SEC24A: variants seen among roughly 807,000 people sequenced by gnomAD.
The protein encoded by SEC24A is SEC24 homolog A, COPII component, also known as protein transport protein Sec24A.
Under a neutral mutation model 129.4 loss-of-function variants are expected in SEC24A, and 93 were observed. The ratio of observed to expected loss-of-function variants is 0.72; its 90% CI spans 0.61 to 0.85. SEC24A has a LOEUF of 0.85. Among genes scored for constraint, SEC24A ranks in the 40% least tolerant of loss-of-function variants. The probability of loss-of-function intolerance (pLI) is 0.00; values close to 1 mark genes in which losing one functional copy is unlikely to be tolerated. For synonymous variants in SEC24A, 460 were observed against 467.3 expected (o/e 0.98, Z 0.20); for missense variants, 1,264 against 1,307.4 (o/e 0.97, Z 0.51).
intron 15 of SEC24A, among the ~76,000 whole-genome samples, chr5:134,700,962 TC>T (rs1324293227): frequency 6.6e-6 from 1 of 151,866 alleles, no homozygotes; most frequent in Non-Finnish European, 1.5e-5. Flanking sequence ...TCGTGATCCA[TC>T]CGCCTCGGCC....
At chr5:134,664,878 A>C (rs1750603083) in intron 2 of SEC24A, among the ~76,000 whole-genome samples, 1 of 135,184 alleles carries the variant, frequency 7.4e-6, no homozygotes, top group Admixed American at 9.0e-5. Flanking sequence ...GGCTCACTGC[A>C]ACCTCCGCCT....
At chr5:134,660,433 T>C (rs1750412167) in intron 1 of SEC24A, among the ~76,000 whole-genome samples, 1 of 152,066 alleles carries the variant, frequency 6.6e-6, no homozygotes, top group Admixed American at 6.6e-5. Context: ...GGCCAGGACA[T>C]CTTGTGGCAA....
intron 15 of SEC24A, among the ~76,000 whole-genome samples, chr5:134,699,573 A>T (rs1275419990): frequency 1.3e-5 from 2 of 152,092 alleles, no homozygotes; most frequent in African/African-American, 4.8e-5. Context: ...TGCTGGGATT[A>T]CAGGCATGAG....
chr5:134,715,001 G>A (rs1248667157), intron 18 of SEC24A, 23 bp from the exon 19 acceptor site: 2 of 1,602,532 alleles, frequency 1.2e-6, no homozygotes, highest in East Asian at 2.3e-5. Flanking sequence ...TCTTTTGTGG[G>A]GAATGGGGGT....
Position 134,649,051 on chromosome 5 carries a change from G to C in SEC24A, c.-26G>C, listed in dbSNP as rs745936449. ...CTTCTTGTGCGCTGTTGTCGACCCC[G>C]ACCAGCCCCTTCCAACCCAGTCATC... On this transcript the variant is annotated 5_prime_UTR_variant, in exon 1 of 23. Transcript: ENST00000398844. 4.4e-6 allele frequency: 7 copies of C among 1,576,452 alleles called. No homozygotes were observed. In the East Asian group the frequency reaches 1.6e-4, roughly 36 times the overall value.
At chr5:134,651,614 A>C (rs1457463754) in intron 1 of SEC24A, among the ~76,000 whole-genome samples, 2 of 151,390 alleles carry the variant, frequency 1.3e-5, no homozygotes, top group East Asian at 3.9e-4. Context: ...AGATATATGT[A>C]TATTATATAT....
rs375070944 is a variant in SEC24A, at chr5:134,709,595, G to T, written c.2727+707G>T. Among the ~76,000 whole-genome samples, 95 of 152,276 alleles carry T rather than the reference G, an allele frequency of 6.2e-4. 1 individual carries two copies. The Middle Eastern group carries it at 0.02, about 33-fold the overall frequency. ...ACACGGAAGCAGAAAGCAGAATGGT[G>T]GTTACTAGAGGCTGGGTGGTGGGGC... On this transcript the variant is annotated intron_variant, in intron 18 of 22. Coordinates refer to ENST00000398844, the MANE Select transcript of SEC24A (RefSeq NM_021982.3).
chr5:134,679,586 GT>G lies in SEC24A; in HGVS notation c.1255-5del, dbSNP rs752585763. 0.024 allele frequency: 28,564 copies of G among 1,176,456 alleles called. 306 individuals carry two copies. The highest frequency in any genetic ancestry group is 0.11 in the Admixed American group (5,106 of 44,406). 72.9% of individuals were successfully genotyped at this position (1,176,456 alleles called of 1,614,324 possible). On this transcript the variant is annotated splice_polypyrimidine_tract_variant and intron_variant, in intron 7 of 22. Transcript: ENST00000398844. ...TTTTTGCCTTTAAAAATTTAATTCT[GT>G]TTTTTTTTTTCCAGCAATTGCCTGT...
chr5:134,656,488 C>T (rs1054534657), intron 1 of SEC24A, among the ~76,000 whole-genome samples: 1 of 150,162 alleles, frequency 6.7e-6, no homozygotes, highest in African/African-American at 2.5e-5. Context: ...CATTCCCCAC[C>T]TTTGTTTTTT....
At chr5:134,650,192 A>C (rs961246460) in intron 1 of SEC24A, among the ~76,000 whole-genome samples, 4 of 152,230 alleles carry the variant, frequency 2.6e-5, no homozygotes. Context: ...GGCAGAAGAA[A>C]GAATAAGTGG....
At position 134,727,029 on chromosome 5, in the gene SEC24A, C is replaced by T. The variant is rs1752770622; in HGVS notation, c.*1935C>T. 6.6e-6 allele frequency: 1 copy of T among 152,480 alleles called. No homozygotes were observed. Among genetic ancestry groups the T allele is most frequent in the Non-Finnish European group, 1.5e-5 (1 of 67,992 alleles). 9.4% of individuals were successfully genotyped at this position (152,480 alleles called of 1,614,324 possible). On this transcript the variant is annotated 3_prime_UTR_variant, in exon 23 of 23. Coordinates refer to ENST00000398844, the MANE Select transcript of SEC24A (RefSeq NM_021982.3). ...TAATTTTATAACAGGTCATGAAAAACATAACTTTAGTTAGGATTCACAATA... is the reference window on the plus strand; with the variant it reads ...TAATTTTATAACAGGTCATGAAAAATATAACTTTAGTTAGGATTCACAATA...
chr5:134,707,390 C>T (rs1580732355), intron 17 of SEC24A, among the ~76,000 whole-genome samples: 1 of 151,180 alleles, frequency 6.6e-6, no homozygotes, highest in Non-Finnish European at 1.5e-5. Context: ...AGTGCAGTGG[C>T]GTGATCTCGG....
chr5:134,719,018 T>C (rs1189205546), intron 20 of SEC24A, among the ~76,000 whole-genome samples: 2 of 150,878 alleles, frequency 1.3e-5, no homozygotes, highest in South Asian at 2.1e-4. Context: ...AATAATGATA[T>C]AAAGAATATT....
At chr5:134,724,316 C>T (rs1752705606) in intron 22 of SEC24A, among the ~76,000 whole-genome samples, 3 of 152,136 alleles carry the variant, frequency 2.0e-5, no homozygotes, top group Admixed American at 6.6e-5. Context: ...TCGCCGGGCG[C>T]GGTGGCTCAT....
chr5:134,726,711 G>A lies in SEC24A; in HGVS notation c.*1617G>A, dbSNP rs1471823172. 6.6e-6 allele frequency: 1 copy of A among 152,070 alleles called. No individual in the cohort carries two copies. The highest frequency in any genetic ancestry group is 6.6e-5 in the Admixed American group (1 of 15,262). The allele number at this position is 152,070 out of a possible 1,614,324, so 9.4% of individuals were successfully genotyped here. On this transcript the variant is annotated 3_prime_UTR_variant, in exon 23 of 23. Coordinates refer to ENST00000398844, the MANE Select transcript of SEC24A (RefSeq NM_021982.3). ...TAAGAAGCAATTTTCAAATTGTAGC[G>A]AATTATATTATCCCCTCTTTTAAAG...
At chr5:134,698,630 G>GTTT (rs1212106367) in intron 15 of SEC24A, among the ~76,000 whole-genome samples, 20 of 120,488 alleles carry the variant, frequency 1.7e-4, no homozygotes, top group South Asian at 2.8e-4. Flanking sequence ...ATAGAGTCTT[G>GTTT]TTTTTTTTTT....
chr5:134,705,565 G>A (rs1752137176), intron 17 of SEC24A, 128 bp downstream of exon 17: 1 of 533,850 alleles, frequency 1.9e-6, no homozygotes. Context: ...TGCCTGCTAA[G>A]TAACTATTTG....
intron 17 of SEC24A, among the ~76,000 whole-genome samples, chr5:134,705,748 A>G (rs578051201): frequency 1.3e-5 from 2 of 152,116 alleles, no homozygotes; most frequent in South Asian, 4.1e-4. Flanking sequence ...TAACATTTCT[A>G]TTGTCTCAAG....
chr5:134,656,849 A>G (rs1750265159), intron 1 of SEC24A, among the ~76,000 whole-genome samples: 1 of 148,770 alleles, frequency 6.7e-6, no homozygotes, highest in Non-Finnish European at 1.5e-5. Flanking sequence ...TGATGCAATG[A>G]TAGCTCACTG....
Sources: gnomAD v4.1 joint callset for allele counts (sites outside exome capture counted in the v4.1 genomes callset) on GRCh38, gnomAD v4.1.1 for gene constraint, MANE v1.5 for transcripts, NCBI Gene and HGNC (gene_info 2026-07-23, HGNC 2026-07-21) for gene names.